ZNF143: variants seen among roughly 807,000 people sequenced by gnomAD.
ZNF143 encodes zinc finger protein 143.
A neutral mutation model predicts 74.1 loss-of-function variants in ZNF143; 49 were observed. The ratio of observed to expected loss-of-function variants is 0.66; its 90% CI spans 0.53 to 0.84. The LOEUF (loss-of-function observed/expected upper bound fraction) is 0.84, where lower values mean the gene tolerates loss of function less well. Ranked by LOEUF, ZNF143 falls within the 40% of genes least tolerant of loss-of-function variation. ZNF143 has a pLI of 0.00. For missense variants in ZNF143, 637 were observed against 793.4 expected (o/e 0.80, Z 2.37); for synonymous variants, 304 against 282.8 (o/e 1.07, Z -0.75).
chr11:9,503,152 A>G (rs2134111375), intron 11 of ZNF143, among the ~76,000 whole-genome samples: 1 of 152,292 alleles, frequency 6.6e-6, no homozygotes, highest in Middle Eastern at 3.4e-3. Context: ...TTTGAAGTTC[A>G]ACCATGTTGT....
chr11:9,512,713 C>T, intron 13 of ZNF143, 117 bp downstream of exon 13: 1 of 1,313,354 alleles, frequency 7.6e-7, no homozygotes, highest in Non-Finnish European at 1.0e-6. Flanking sequence ...GTTTGGAAAC[C>T]CTGAGGTTTT....
intron 11 of ZNF143, among the ~76,000 whole-genome samples, chr11:9,502,891 C>T (rs926528877): frequency 6.6e-5 from 10 of 152,010 alleles, no homozygotes; most frequent in Non-Finnish European, 1.0e-4. Flanking sequence ...AGTGCAGTGG[C>T]GCAATCTCGG....
At chr11:9,487,710 C>A (rs1847614551) in intron 7 of ZNF143, among the ~76,000 whole-genome samples, 1 of 152,194 alleles carries the variant, frequency 6.6e-6, no homozygotes, top group Non-Finnish European at 1.5e-5. Context: ...CCAGTGAAGT[C>A]ATTTTCTATA....
At chr11:9,516,001 A>T (rs1049042530) in intron 13 of ZNF143, among the ~76,000 whole-genome samples, 200 bp from the exon 14 acceptor site, 1 of 150,090 alleles carries the variant, frequency 6.7e-6, no homozygotes, top group East Asian at 1.9e-4. Flanking sequence ...TAATAATAAT[A>T]AAAAAATAAT....
At chr11:9,473,836 C>T (rs769111222) in intron 3 of ZNF143, 105 bp from the exon 4 acceptor site, 10 of 1,602,156 alleles carry the variant, frequency 6.2e-6, no homozygotes, top group Non-Finnish European at 8.5e-6. Context: ...AAGATGAACA[C>T]GAGCTTAAGT....
chr11:9,521,706 T>G (rs1227152698), intron 14 of ZNF143, among the ~76,000 whole-genome samples: 1 of 152,154 alleles, frequency 6.6e-6, no homozygotes, highest in East Asian at 1.9e-4. Context: ...GTCTGTTTCA[T>G]CTAAGTTTTC....
chr11:9,486,396 A>AATATATATAATATATATAATATATT (rs1554964417), intron 7 of ZNF143, among the ~76,000 whole-genome samples: 3 of 11,922 alleles, frequency 2.5e-4, no homozygotes, highest in Non-Finnish European at 3.6e-4. Flanking sequence ...TAATATATAT[A>AATATATATAATATATATAATATATT]ATATATTATA....
intron 13 of ZNF143, among the ~76,000 whole-genome samples, chr11:9,513,366 C>T (rs1176774922): frequency 6.6e-6 from 1 of 152,188 alleles, no homozygotes; most frequent in African/African-American, 2.4e-5. Flanking sequence ...CTCACTTTGA[C>T]GTCACTAATT....
chr11:9,487,962 A>G (rs1252571710), intron 7 of ZNF143, among the ~76,000 whole-genome samples: 1 of 152,142 alleles, frequency 6.6e-6, no homozygotes, highest in Non-Finnish European at 1.5e-5. Flanking sequence ...TTTCTATTCC[A>G]CAGTCATTAT....
Position 9,520,019 on chromosome 11 carries a change from C to T in ZNF143, c.1686+3657C>T, listed in dbSNP as rs867371995. Among the ~76,000 whole-genome samples the T allele has an allele frequency of 9.6e-5, 14 of 146,338 alleles. No individual in the cohort carries two copies. The South Asian group carries it at 3.0e-3, about 31-fold the overall frequency. On this transcript the variant is annotated intron_variant, in intron 14 of 15. Coordinates refer to ENST00000396602, the MANE Select transcript of ZNF143 (RefSeq NM_003442.6). ...TGGGCAATGTAGCAAGACACTGTTT[C>T]CACCAATTTTTTTTTTTTTTTTTTT...
At chr11:9,467,436 A>G (rs1217594817) in intron 1 of ZNF143, among the ~76,000 whole-genome samples, 1 of 150,180 alleles carries the variant, frequency 6.7e-6, no homozygotes, top group African/African-American at 2.5e-5. Context: ...GGGTTTTGTC[A>G]TGTTGTCCGG....
At chr11:9,510,734 AT>A (rs76523082) in intron 12 of ZNF143, among the ~76,000 whole-genome samples, 22 of 149,646 alleles carry the variant, frequency 1.5e-4, no homozygotes, top group African/African-American at 4.2e-4. Context: ...AGGGGGAAAC[AT>A]TTTTTTTTTG....
chr11:9,504,311 T>A (rs1289075540), intron 11 of ZNF143, among the ~76,000 whole-genome samples: 1 of 117,788 alleles, frequency 8.5e-6, no homozygotes, highest in Non-Finnish European at 2.0e-5. Context: ...TTTGGAGAAA[T>A]GTCTATTCAA....
chr11:9,516,108 C>A (rs1848713135), intron 13 of ZNF143, 93 bp from the exon 14 acceptor site: 3 of 1,216,252 alleles, frequency 2.5e-6, no homozygotes, highest in Non-Finnish European at 3.5e-6. Context: ...ATCCACAGGG[C>A]AAACTTATAC....
At chr11:9,463,947 C>G (rs1856024219) in intron 1 of ZNF143, 1 of 152,110 alleles carries the variant, frequency 6.6e-6, no homozygotes, top group Non-Finnish European at 1.5e-5. Flanking sequence ...TGAATGCAAT[C>G]ATATGGTATC....
At chr11:9,495,277 A>G (rs1420309873) in intron 8 of ZNF143, among the ~76,000 whole-genome samples, 1 of 152,080 alleles carries the variant, frequency 6.6e-6, no homozygotes, top group African/African-American at 2.4e-5. Flanking sequence ...AACCCTTTCT[A>G]CTAAAAATAC....
At chr11:9,482,371 C>T (rs972786331) in intron 7 of ZNF143, among the ~76,000 whole-genome samples, 14 of 150,452 alleles carry the variant, frequency 9.3e-5, no homozygotes, top group African/African-American at 1.7e-4. Context: ...CCCGGGTTCA[C>T]GCCATTCTCC....
intron 15 of ZNF143, among the ~76,000 whole-genome samples, chr11:9,525,937 T>C (rs1849110072): frequency 6.6e-6 from 1 of 151,940 alleles, no homozygotes; most frequent in African/African-American, 2.4e-5. Context: ...AGCTTAGGAA[T>C]TAGAGACCAG....
At chr11:9,489,474 T>G (rs1565042117) in intron 7 of ZNF143, among the ~76,000 whole-genome samples, 1 of 152,154 alleles carries the variant, frequency 6.6e-6, no homozygotes, top group Non-Finnish European at 1.5e-5. Flanking sequence ...AGTACATTTT[T>G]GGAAAAAATG....
Sources: gnomAD v4.1 joint callset for allele counts (sites outside exome capture counted in the v4.1 genomes callset) on GRCh38, gnomAD v4.1.1 for gene constraint, MANE v1.5 for transcripts, NCBI Gene and HGNC (gene_info 2026-07-23, HGNC 2026-07-21) for gene names.